Variants in DPH3 observed in about 807,000 individuals in gnomAD.
The protein encoded by DPH3 is diphthamide biosynthesis protein 3.
In DPH3, 8 loss-of-function variants were observed where a neutral mutation model predicts 10.2. The ratio of observed to expected loss-of-function variants is 0.79; its 90% CI spans 0.46 to 1.42. The LOEUF is 1.42. DPH3 is among the 40% of genes most tolerant of loss of function. The probability of loss-of-function intolerance (pLI) is 0.00; values close to 1 mark genes in which losing one functional copy is unlikely to be tolerated. For synonymous variants in DPH3, 35 were observed against 35.6 expected, an observed-to-expected ratio of 0.98 and a Z score of 0.06; for missense variants, 96 against 98.9, an observed-to-expected ratio of 0.97 and a Z score of 0.12.
At chr3:16,264,628 G>T in intron 1 of DPH3, 141 bp downstream of exon 1, 1 of 802,508 alleles carries the variant, frequency 1.2e-6, no homozygotes, top group Non-Finnish European at 2.0e-6. Flanking sequence ...GGGGTGGGGG[G>T]ACGCGGGAGG....
rs1232704232 is a variant in DPH3, at chr3:16,263,103, A to G, written c.183+1052T>C. 5.9e-5 allele frequency among the ~76,000 whole-genome samples: 9 copies of G among 152,190 alleles called. No homozygotes were observed. The South Asian group carries it at 8.3e-4, about 14-fold the overall frequency. On this transcript the variant is annotated intron_variant, in intron 2 of 2. Transcript: ENST00000488423. This position sits in a 1 kb window ranked among gnomAD's most constrained non-coding sequence, Gnocchi z 4.0. Reference sequence around the variant, plus strand: ...CACTCCTATGTTCAAAAATCCCCCAATGGTTCCCTATATCACTCACAACAA... The same window carrying G: ...CACTCCTATGTTCAAAAATCCCCCAGTGGTTCCCTATATCACTCACAACAA...
At position 16,264,165 on chromosome 3, in the gene DPH3, A is replaced by G. The variant is rs771096334; in HGVS notation, c.173T>C (p.Ile58Thr). Residue 58 changes from isoleucine to threonine, a missense_variant, in exon 2 of 3, where the codon ATT (isoleucine) becomes ACT (threonine). Ile to Thr is a moderately conservative substitution (Grantham distance 89). Coordinates refer to ENST00000488423, the MANE Select transcript of DPH3 (RefSeq NM_206831.3). Reference protein sequence around the residue: ...CPSCSLIIKVIYDKDQFVCGE... With the variant: ...CPSCSLIIKVTYDKDQFVCGE... The stretch of plus-strand genomic sequence containing the variant: ...AATTATATCCCTTACTTTGTCATAA[A>G]TCACTTTTATAATGAGAGAGCAGCT... The G allele has an allele frequency of 1.2e-6, 2 of 1,609,550 alleles. No individual in the cohort carries two copies. The highest frequency in any genetic ancestry group is 1.7e-5 in the Admixed American group (1 of 59,738).
In DPH3 at chr3:16,261,441, C is replaced by T. The variant is rs900240637; in HGVS notation, c.184-612G>A. 1.3e-5 allele frequency among the ~76,000 whole-genome samples: 2 copies of T among 152,254 alleles called. No homozygotes were observed. The stretch of plus-strand genomic sequence containing the variant: ...CTACTCTGTTGCCCAATATGTGGAA[C>T]CCTTTCACTGTGCCCTTTGGAATTC... On this transcript the variant is annotated intron_variant, in intron 2 of 2. Coordinates refer to ENST00000488423, the MANE Select transcript of DPH3 (RefSeq NM_206831.3). This position sits in a 1 kb window ranked among gnomAD's most constrained non-coding sequence, Gnocchi z 7.1.
rs1274387277 is a variant in DPH3 at position 16,263,304 on chromosome 3, T to G, written c.183+851A>C. On this transcript the variant is annotated intron_variant, in intron 2 of 2. Transcript: ENST00000488423. This position sits in a 1 kb window ranked among gnomAD's most constrained non-coding sequence, Gnocchi z 4.0. ...CTTACCTCATACCCTCATATGTACA[T>G]GGCTCACTCCCTCACCTCCTTCAAA... Among the ~76,000 whole-genome samples the G allele has an allele frequency of 1.3e-5, 2 of 152,154 alleles. No individual in the cohort carries two copies. Among genetic ancestry groups the G allele is most frequent in the African/African-American group, 4.8e-5 (2 of 41,424 alleles).
At position 16,261,766 on chromosome 3, in the gene DPH3, G is replaced by A. The variant is rs1301930016; in HGVS notation, c.184-937C>T. Among the ~76,000 whole-genome samples the A allele has an allele frequency of 1.3e-5, 2 of 152,200 alleles. No homozygotes were observed. Among genetic ancestry groups the A allele is most frequent in the Non-Finnish European group, 2.9e-5 (2 of 68,028 alleles). On this transcript the variant is annotated intron_variant, in intron 2 of 2. Transcript: ENST00000488423. This position sits in a 1 kb window ranked among gnomAD's most constrained non-coding sequence, Gnocchi z 7.1. ...ATCTAGTGGAGGCTCTGTGTTCTCA[G>A]AGTCCTAGTACCAGAGGGATTGGAA...
At position 16,257,170 on chromosome 3, in the gene DPH3, G is replaced by A. The variant is rs1484378565; in HGVS notation, c.*3594C>T. ...CGCAAAACAATGTTTAATTCCTTTCGGAGTTAGAATAGTTAACCATTTTTT... is the reference window on the plus strand; with the variant it reads ...CGCAAAACAATGTTTAATTCCTTTCAGAGTTAGAATAGTTAACCATTTTTT... On this transcript the variant is annotated 3_prime_UTR_variant, in exon 3 of 3. Coordinates refer to ENST00000488423, the MANE Select transcript of DPH3 (RefSeq NM_206831.3). Among the ~76,000 whole-genome samples, 1 of 152,166 alleles carries A rather than the reference G, an allele frequency of 6.6e-6. No individual in the cohort carries two copies. The highest frequency in any genetic ancestry group is 1.5e-5 in the Non-Finnish European group (1 of 68,030).
At position 16,264,753 on chromosome 3, in the gene DPH3, G is replaced by A. The variant is rs1406803238; in HGVS notation, c.108+16C>T. On this transcript the variant is annotated intron_variant, in intron 1 of 2. Transcript: ENST00000488423. ...CGCTTGCTTGGGTGAACCGCCGGGC[G>A]GGACCCTGAAGTTACCTTGGTGATG... 2 of 1,612,912 alleles carry A rather than the reference G, an allele frequency of 1.2e-6. No individual in the cohort carries two copies. Among genetic ancestry groups the A allele is most frequent in the East Asian group, 2.2e-5 (1 of 44,836 alleles).
chr3:16,264,056 C>G lies in DPH3; in HGVS notation c.183+99G>C, dbSNP rs1482340939. The G allele has an allele frequency of 1.4e-5, 10 of 693,224 alleles. 1 individual carries two copies. Among genetic ancestry groups the G allele is most frequent in the Non-Finnish European group, 2.2e-5 (10 of 454,002 alleles). 42.9% of individuals were successfully genotyped at this position (693,224 alleles called of 1,614,324 possible). A position where few individuals can be genotyped will look rare whatever the true frequency, so the allele number is the denominator to read the frequency against. The stretch of plus-strand genomic sequence containing the variant: ...AAAAAATACCGCACTTTACCTAGCA[C>G]AATGAAACATTCTCCTGCACTCATC... On this transcript the variant is annotated intron_variant, in intron 2 of 2. Transcript: ENST00000488423.
Position 16,263,286 on chromosome 3 carries a change from C to T in DPH3, c.183+869G>A, listed in dbSNP as rs1470121995. The stretch of plus-strand genomic sequence containing the variant: ...GATCCTTTGCTCGACTCTCTTACCT[C>T]ATACCCTCATATGTACATGGCTCAC... On this transcript the variant is annotated intron_variant, in intron 2 of 2. Transcript: ENST00000488423. This position sits in a 1 kb window ranked among gnomAD's most constrained non-coding sequence, Gnocchi z 4.0. Among the ~76,000 whole-genome samples the T allele has an allele frequency of 6.6e-6, 1 of 152,122 alleles. No homozygotes were observed. Among genetic ancestry groups the T allele is most frequent in the Admixed American group, 6.5e-5 (1 of 15,274 alleles).
Position 16,261,573 on chromosome 3 carries a change from A to G in DPH3, c.184-744T>C, listed in dbSNP as rs951547180. ...TCTGGAAACAGTTTGAATTGAAACA[A>G]CTGAGGATTGCTATTGGCATCTAGT... On this transcript the variant is annotated intron_variant, in intron 2 of 2. Coordinates refer to ENST00000488423, the MANE Select transcript of DPH3 (RefSeq NM_206831.3). The surrounding 1 kb of genome is among the most constrained non-coding windows in gnomAD (Gnocchi z 7.1). 6.6e-6 allele frequency among the ~76,000 whole-genome samples: 1 copy of G among 152,158 alleles called. No individual in the cohort carries two copies. The highest frequency in any genetic ancestry group is 1.5e-5 in the Non-Finnish European group (1 of 68,024).
Position 16,264,928 on chromosome 3 carries a change from C to G in DPH3, c.-52G>C, listed in dbSNP as rs990884325. On this transcript the variant is annotated 5_prime_UTR_variant, in exon 1 of 3. Transcript: ENST00000488423. ...ACGCCCCAGCAGTCCGAGGCCAGCT[C>G]CGAGGGTTTAACTTCGCCGGAACCG... The G allele has an allele frequency of 6.2e-7, 1 of 1,600,042 alleles. No individual in the cohort carries two copies.
Position 16,262,627 on chromosome 3 carries a change from T to C in DPH3, c.183+1528A>G, listed in dbSNP as rs1029018914. ...CATCCAATCTCATGGCTCTAAATGC[T>C]ATCTGTTACTGATAACTCCCAAATT... On this transcript the variant is annotated intron_variant, in intron 2 of 2. Coordinates refer to ENST00000488423, the MANE Select transcript of DPH3 (RefSeq NM_206831.3). This position sits in a 1 kb window ranked among gnomAD's most constrained non-coding sequence, Gnocchi z 4.7. Among the ~76,000 whole-genome samples the C allele has an allele frequency of 5.9e-5, 9 of 152,202 alleles. No homozygotes were observed. The highest frequency in any genetic ancestry group is 1.2e-4 in the Non-Finnish European group (8 of 68,024).
chr3:16,264,623 G>T (rs529212601), intron 1 of DPH3, 146 bp downstream of exon 1: 135 of 766,018 alleles, frequency 1.8e-4, no homozygotes, highest in Admixed American at 1.5e-4. Context: ...TAGTTGGGGT[G>T]GGGGGACGCG....
intron 1 of DPH3, 41 bp downstream of exon 1, chr3:16,264,728 C>T (rs972921916): frequency 5.0e-6 from 8 of 1,594,652 alleles, no homozygotes; most frequent in Non-Finnish European, 6.9e-6. Context: ...AACCAAACTG[C>T]GCTTGCTTGG....
rs1404827704 is a variant in DPH3 at position 16,260,617 on chromosome 3, T to TTA, written c.*146_*147insTA. On this transcript the variant is annotated 3_prime_UTR_variant, in exon 3 of 3. Transcript: ENST00000488423. ...ATGTTATGGACTTGCTTCCTGAAGATGATATCAGCAGTTGATAGAAAGAAT... is the reference window on the plus strand; with the variant it reads ...ATGTTATGGACTTGCTTCCTGAAGATTAGATATCAGCAGTTGATAGAAAGAAT... 9.9e-6 allele frequency: 6 copies of TTA among 608,722 alleles called. No homozygotes were observed. Among genetic ancestry groups the TTA allele is most frequent in the Non-Finnish European group, 1.7e-5 (6 of 350,446 alleles). 37.7% of individuals were successfully genotyped at this position (608,722 alleles called of 1,614,324 possible). A position where few individuals can be genotyped will look rare whatever the true frequency, so the allele number is the denominator to read the frequency against.
Position 16,260,787 on chromosome 3 carries a change from T to C in DPH3, c.226A>G (p.Asn76Asp). 1 of 1,613,898 alleles carries C rather than the reference T, an allele frequency of 6.2e-7. No homozygotes were observed. Among genetic ancestry groups the C allele is most frequent in the Non-Finnish European group, 8.5e-7 (1 of 1,179,838 alleles). ...CGETVPAPSA[N>D]KELVKC The stretch of plus-strand genomic sequence containing the variant: ...CTTCAGCATTTAACTAATTCTTTGT[T>C]GGCTGAAGGGGCTGGGACTGTTTCT... The change falls in exon 3 of 3, where the codon AAC (asparagine) becomes GAC (aspartate). Residue 76 changes from asparagine (N) to aspartate (D), a missense_variant. Physicochemically the swap from Asn to Asp is conservative, Grantham distance 23. Transcript: ENST00000488423.
Position 16,260,731 on chromosome 3 carries a change from A to G in DPH3, c.*33T>C. ...CGATATTTCTATCTGGGCTCATTCC[A>G]AATGTTCAGGATTTGGATTCCTGAA... On this transcript the variant is annotated 3_prime_UTR_variant, in exon 3 of 3. Coordinates refer to ENST00000488423, the MANE Select transcript of DPH3 (RefSeq NM_206831.3). The G allele has an allele frequency of 1.3e-6, 2 of 1,595,206 alleles. No homozygotes were observed. Among genetic ancestry groups the G allele is most frequent in the Non-Finnish European group, 1.7e-6 (2 of 1,164,174 alleles).
rs1368798288 is a variant in DPH3, at chr3:16,262,063, G to A, written c.184-1234C>T. ...TTCTCTCACTCCTTACTATTCACTT[G>A]GGAAAACCTTAAACCTGGTTAAATC... On this transcript the variant is annotated intron_variant, in intron 2 of 2. Coordinates refer to ENST00000488423, the MANE Select transcript of DPH3 (RefSeq NM_206831.3). This position sits in a 1 kb window ranked among gnomAD's most constrained non-coding sequence, Gnocchi z 4.7. Among the ~76,000 whole-genome samples, 1 of 152,026 alleles carries A rather than the reference G, an allele frequency of 6.6e-6. No homozygotes were observed. The highest frequency in any genetic ancestry group is 2.4e-5 in the African/African-American group (1 of 41,378).
intron 1 of DPH3, 147 bp downstream of exon 1, chr3:16,264,622 T>TG (rs935827272): frequency 1.4e-5 from 10 of 719,440 alleles, no homozygotes; most frequent in Admixed American, 8.1e-5. Flanking sequence ...TTAGTTGGGG[T>TG]GGGGGGACGC....
Sources: allele counts gnomAD v4.1 joint callset (sites outside exome capture counted in the v4.1 genomes callset), GRCh38; gene constraint gnomAD v4.1.1; non-coding constraint Gnocchi (gnomAD v3.1); transcripts MANE v1.5; gene names NCBI Gene and HGNC (gene_info 2026-07-23, HGNC 2026-07-21).